ZNF296: variants seen among roughly 807,000 people sequenced by gnomAD.
ZNF296 encodes zinc finger protein 342.
ZNF296 carries 1 observed loss-of-function variant against 13.2 expected under a neutral mutation model. The observed-to-expected ratio is 0.08, with a 90% CI of 0.03 to 0.36. ZNF296 has a LOEUF of 0.36. Ranked by LOEUF, ZNF296 falls within the 10% of genes least tolerant of loss-of-function variation. The pLI, the probability that ZNF296 is intolerant of heterozygous loss-of-function variation, is 0.99. For missense variants in ZNF296, 555 were observed against 688.2 expected, an observed-to-expected ratio of 0.81 and a Z score of 2.16; for synonymous variants, 303 against 289.0, an observed-to-expected ratio of 1.05 and a Z score of -0.49.
intron 2 of ZNF296, 93 bp downstream of exon 2, chr19:45,075,620 A>C (rs1010893473): frequency 7.8e-6 from 11 of 1,415,622 alleles, no homozygotes; most frequent in Non-Finnish European, 1.1e-5. Context: ...AAGGGGAAGT[A>C]GTGCTCAGTG....
chr19:45,073,620 A>C (rs1217964642), intron 2 of ZNF296, among the ~76,000 whole-genome samples: 1 of 143,060 alleles, frequency 7.0e-6, no homozygotes, highest in Non-Finnish European at 1.5e-5. Flanking sequence ...CGCCCAGGCT[A>C]TTCTTTAACT....
Position 45,071,636 on chromosome 19 carries a change from G to T in ZNF296, c.1393C>A (p.Arg465=). 6.5e-7 allele frequency: 1 copy of T among 1,530,296 alleles called. No individual in the cohort carries two copies. The highest frequency in any genetic ancestry group is 8.7e-7 in the Non-Finnish European group (1 of 1,143,314). 94.8% of individuals were successfully genotyped at this position (1,530,296 alleles called of 1,614,324 possible). The change falls in exon 3 of 3, where the codon CGG becomes AGG. Residue 465 remains arginine, a synonymous_variant. Transcript: ENST00000303809. ...CCGGCCGCCTCAGGGTGCTTCTGCC[G>T]CAGGTGTTTGTCCAGGGTGGCTCGC... The part of the protein sequence containing the change: ...GLRATLDKHL[R]QKHPEAAGEA
intron 2 of ZNF296, 144 bp downstream of exon 2, chr19:45,075,569 G>T: frequency 1.8e-6 from 1 of 558,316 alleles, no homozygotes; most frequent in Non-Finnish European, 2.6e-6. Context: ...AGGACGGGCA[G>T]GCCCTGGCCA....
intron 2 of ZNF296, among the ~76,000 whole-genome samples, chr19:45,073,878 CG>C (rs1967297848): frequency 6.6e-6 from 1 of 150,956 alleles, no homozygotes; most frequent in East Asian, 2.0e-4. Context: ...AAAAAATAGC[CG>C]GGTGTGGTGG....
intron 2 of ZNF296, among the ~76,000 whole-genome samples, chr19:45,073,180 A>G (rs1376008985): frequency 2.0e-5 from 3 of 152,182 alleles, no homozygotes; most frequent in East Asian, 3.8e-4. Context: ...TTTTCCAGAC[A>G]GGAGAACTGA....
At position 45,071,546 on chromosome 19, in the gene ZNF296, A is replaced by G; in HGVS notation, c.*55T>C. On this transcript the variant is annotated 3_prime_UTR_variant, in exon 3 of 3. Coordinates refer to ENST00000303809, the MANE Select transcript of ZNF296 (RefSeq NM_145288.3). ...TTGGAGAAGGCGGGCAAAAACGAGGAGGTCAATGGGTGTTGGCAGCGGTAC... is the reference window on the plus strand; with the variant it reads ...TTGGAGAAGGCGGGCAAAAACGAGGGGGTCAATGGGTGTTGGCAGCGGTAC... The G allele has an allele frequency of 2.7e-6, 4 of 1,492,276 alleles. No individual in the cohort carries two copies. The highest frequency in any genetic ancestry group is 3.5e-6 in the Non-Finnish European group (4 of 1,129,832). 92.4% of individuals were successfully genotyped at this position (1,492,276 alleles called of 1,614,324 possible). A position where few individuals can be genotyped will look rare whatever the true frequency, so the allele number is the denominator to read the frequency against.
At chr19:45,073,124 G>A (rs2122632118) in intron 2 of ZNF296, among the ~76,000 whole-genome samples, 1 of 152,270 alleles carries the variant, frequency 6.6e-6, no homozygotes. Context: ...GCTGAGCCAT[G>A]GCTCATAGCC....
intron 2 of ZNF296, 108 bp downstream of exon 2, chr19:45,075,605 C>G (rs1025086445): frequency 1.7e-4 from 212 of 1,261,852 alleles, no homozygotes; most frequent in Non-Finnish European, 8.3e-5. Flanking sequence ...CGATGGGGAG[C>G]GAGAAAGGGG....
chr19:45,073,642 A>G (rs1351785230), intron 2 of ZNF296, among the ~76,000 whole-genome samples: 1 of 142,200 alleles, frequency 7.0e-6, no homozygotes, highest in African/African-American at 2.6e-5. Context: ...AATGGCCTCA[A>G]GTAATCCTTC....
intron 2 of ZNF296, among the ~76,000 whole-genome samples, chr19:45,075,092 G>A (rs1967319581): frequency 6.6e-6 from 1 of 152,186 alleles, no homozygotes; most frequent in Non-Finnish European, 1.5e-5. Flanking sequence ...AGCCCCATGT[G>A]AAGGCTTTTA....
chr19:45,074,422 C>G (rs1967308893), intron 2 of ZNF296, among the ~76,000 whole-genome samples: 1 of 152,192 alleles, frequency 6.6e-6, no homozygotes, highest in Non-Finnish European at 1.5e-5. Context: ...TGGTAGTGAC[C>G]TGGGTCCCCC....
intron 2 of ZNF296, among the ~76,000 whole-genome samples, chr19:45,074,060 T>G (rs1967302337): frequency 6.6e-6 from 1 of 150,516 alleles, no homozygotes; most frequent in South Asian, 2.1e-4. Flanking sequence ...AAAAATAATT[T>G]TTAAAGTAAT....
At chr19:45,075,319 C>T (rs918234775) in intron 2 of ZNF296, among the ~76,000 whole-genome samples, 2 of 152,206 alleles carry the variant, frequency 1.3e-5, no homozygotes, top group East Asian at 1.9e-4. Flanking sequence ...GGCCTCCACT[C>T]CCCCTCCCCC....
chr19:45,071,685 G>A lies in ZNF296; in HGVS notation c.1344C>T (p.Pro448=). The A allele has an allele frequency of 1.3e-6, 2 of 1,577,200 alleles. No homozygotes were observed. Among genetic ancestry groups the A allele is most frequent in the East Asian group, 2.2e-5 (1 of 44,578 alleles). ...MTPGSTRFEC[P]HCHVPFGLRA... The stretch of plus-strand genomic sequence containing the variant: ...GCAGGCCGAAGGGCACATGGCAGTG[G>A]GGGCACTCGAAGCGGGTGCTGCCAG... The change falls in exon 3 of 3, where the codon CCC becomes CCT. Residue 448 remains proline, a synonymous_variant. Transcript: ENST00000303809.
rs769671554 is a variant in ZNF296, at chr19:45,072,375, G to T, written c.654C>A (p.Ser218Arg). 1 of 1,612,550 alleles carries T rather than the reference G, an allele frequency of 6.2e-7. No homozygotes were observed. Among genetic ancestry groups the T allele is most frequent in the South Asian group, 1.1e-5 (1 of 91,070 alleles). The change falls in exon 3 of 3, where the codon AGC becomes AGA. Residue 218 changes from serine (S) to arginine (R), a missense_variant. Transcript: ENST00000303809. ...TGAGGCCGCTGCCACTTGCACGGGGGCTCTTGGCCTCAGCTGCTGGCCCCA... is the reference window on the plus strand; with the variant it reads ...TGAGGCCGCTGCCACTTGCACGGGGTCTCTTGGCCTCAGCTGCTGGCCCCA... ...AVVGPAAEAK[S>R]PRASGSGLTR...
At chr19:45,075,909 G>A (rs202235786) in intron 1 of ZNF296, 47 bp from the exon 2 acceptor site, 92 of 1,608,686 alleles carry the variant, frequency 5.7e-5, no homozygotes, top group Non-Finnish European at 7.3e-5. Context: ...GCCAGGATGG[G>A]GGCTGAGGGT....
At chr19:45,072,677 T>A in intron 2 of ZNF296, 97 bp from the exon 3 acceptor site, 1 of 1,425,110 alleles carries the variant, frequency 7.0e-7, no homozygotes, top group Non-Finnish European at 9.4e-7. Context: ...GACTTGGCAG[T>A]AACAAGACAC....
At chr19:45,075,318 T>C (rs1860512351) in intron 2 of ZNF296, among the ~76,000 whole-genome samples, 1 of 151,618 alleles carries the variant, frequency 6.6e-6, no homozygotes. Flanking sequence ...TGGCCTCCAC[T>C]CCCCCTCCCC....
rs1386245059 is a variant in ZNF296 at position 45,076,402 on chromosome 19, G to A, written c.-29C>T. 2 of 1,237,874 alleles carry A rather than the reference G, an allele frequency of 1.6e-6. No homozygotes were observed. The highest frequency in any genetic ancestry group is 2.0e-6 in the Non-Finnish European group (2 of 990,262). The allele number at this position is 1,237,874 out of a possible 1,614,324, so 76.7% of individuals were successfully genotyped here. A position where few individuals can be genotyped will look rare whatever the true frequency, so the allele number is the denominator to read the frequency against. ...TCGCGGGCCGGGCGAGCGAGCGGGC[G>A]GGCAGGCAGGCAGGCGGGCGGGCGG... On this transcript the variant is annotated 5_prime_UTR_variant, in exon 1 of 3. Coordinates refer to ENST00000303809, the MANE Select transcript of ZNF296 (RefSeq NM_145288.3). The surrounding 1 kb of genome is among the most constrained non-coding windows in gnomAD (Gnocchi z 4.9).
Sources: allele counts gnomAD v4.1 joint callset (sites outside exome capture counted in the v4.1 genomes callset), GRCh38; gene constraint gnomAD v4.1.1; non-coding constraint Gnocchi (gnomAD v3.1); transcripts MANE v1.5; gene names NCBI Gene and HGNC (gene_info 2026-07-23, HGNC 2026-07-21).